CSNK1G3: variants seen among roughly 807,000 people sequenced by gnomAD.
CSNK1G3 encodes the protein casein kinase I isoform gamma-3.
In CSNK1G3, 23 loss-of-function variants were observed where a neutral mutation model predicts 64.3. The ratio of observed to expected loss-of-function variants is 0.36; its 90% CI spans 0.26 to 0.51. CSNK1G3 has a LOEUF of 0.51. Among genes scored for constraint, CSNK1G3 ranks in the 20% least tolerant of loss-of-function variants. CSNK1G3 has a pLI of 0.96. For synonymous variants in CSNK1G3, 158 were observed against 162.2 expected (o/e 0.97, Z 0.20); for missense variants, 357 against 510.5 (o/e 0.70, Z 2.90).
intron 3 of CSNK1G3, among the ~76,000 whole-genome samples, chr5:123,556,953 G>A (rs1233772840): frequency 6.6e-6 from 1 of 152,062 alleles, no homozygotes; most frequent in Non-Finnish European, 1.5e-5. Context: ...ATGTTCTATA[G>A]ATTGGTGTGG....
chr5:123,525,079 A>G (rs1167496306), intron 1 of CSNK1G3, among the ~76,000 whole-genome samples: 1 of 152,150 alleles, frequency 6.6e-6, no homozygotes, highest in Non-Finnish European at 1.5e-5. Flanking sequence ...ATTCTATTGT[A>G]GTTCGTATCA....
intron 4 of CSNK1G3, among the ~76,000 whole-genome samples, chr5:123,567,537 T>C (rs1787164371): frequency 6.6e-6 from 1 of 152,036 alleles, no homozygotes; most frequent in Admixed American, 6.6e-5. Flanking sequence ...AACCGTGAAG[T>C]GGAGGTTGTG....
At position 123,546,078 on chromosome 5, in the gene CSNK1G3, C is replaced by G. The variant is rs540419871; in HGVS notation, c.178+237C>G. On this transcript the variant is annotated intron_variant, in intron 2 of 12. Coordinates refer to ENST00000345990, the Ensembl canonical transcript of CSNK1G3. ...ATTGACTATCCAGATTATGAGAAAA[C>G]AAACAATTAAATTAAAATAGCCCAG... The G allele has an allele frequency of 7.0e-4, 284 of 406,832 alleles. 2 individuals are homozygous for G. The highest frequency in any genetic ancestry group is 5.4e-3 in the African/African-American group (272 of 50,486). 25.2% of individuals were successfully genotyped at this position (406,832 alleles called of 1,614,324 possible).
chr5:123,614,918 T>C (rs1236150600), exon 13 of CSNK1G3: 1 of 152,840 alleles, frequency 6.5e-6, no homozygotes, highest in Admixed American at 6.5e-5. Flanking sequence ...GTATTACTGA[T>C]GGTACTGTTA....
At chr5:123,526,451 A>G (rs909942419) in intron 1 of CSNK1G3, among the ~76,000 whole-genome samples, 1 of 151,662 alleles carries the variant, frequency 6.6e-6, no homozygotes, top group Non-Finnish European at 1.5e-5. Context: ...CTTTTTTTTT[A>G]GCATTTCAAT....
chr5:123,528,996 A>C (rs1278409592), intron 1 of CSNK1G3, among the ~76,000 whole-genome samples: 1 of 152,196 alleles, frequency 6.6e-6, no homozygotes, highest in Non-Finnish European at 1.5e-5. Flanking sequence ...TGCTTTTTGC[A>C]AGCTATTTAT....
At chr5:123,549,847 T>A (rs1783306268) in intron 2 of CSNK1G3, among the ~76,000 whole-genome samples, 1 of 152,246 alleles carries the variant, frequency 6.6e-6, no homozygotes, top group Non-Finnish European at 1.5e-5. Flanking sequence ...TATGTATTGT[T>A]TAATGAATAA....
At chr5:123,607,824 A>G (rs1481027428) in intron 12 of CSNK1G3, among the ~76,000 whole-genome samples, 1 of 152,224 alleles carries the variant, frequency 6.6e-6, no homozygotes, top group Non-Finnish European at 1.5e-5. Context: ...AGAAATCCTC[A>G]GAACTTTCCT....
chr5:123,572,962 G>C (rs959699596), intron 4 of CSNK1G3, among the ~76,000 whole-genome samples: 3 of 152,192 alleles, frequency 2.0e-5, no homozygotes, highest in Non-Finnish European at 4.4e-5. Flanking sequence ...TAAGCCAGAG[G>C]ATGGGAATCT....
Position 123,588,379 on chromosome 5 carries a change from A to G in CSNK1G3, c.760-48A>G, listed in dbSNP as rs542764296. On this transcript the variant is annotated intron_variant, in intron 7 of 12. Coordinates refer to ENST00000345990, the Ensembl canonical transcript of CSNK1G3. ...GGCTACCGTGTGCAGTCCCAGCTAA[A>G]TAATTTTTAAATTACCACATTCTCA... 36 of 1,451,650 alleles carry G rather than the reference A, an allele frequency of 2.5e-5. No homozygotes were observed. In the Admixed American group the frequency reaches 5.0e-4, roughly 20 times the overall value. The allele number at this position is 1,451,650 out of a possible 1,614,324, so 89.9% of individuals were successfully genotyped here.
intron 6 of CSNK1G3, among the ~76,000 whole-genome samples, chr5:123,582,894 G>A (rs746846506): frequency 1.3e-4 from 20 of 152,304 alleles, no homozygotes; most frequent in Non-Finnish European, 2.4e-4. Context: ...AGATATGTCA[G>A]TTGGTGAAAG....
At chr5:123,552,809 G>T (rs1783944475) in intron 2 of CSNK1G3, among the ~76,000 whole-genome samples, 1 of 152,070 alleles carries the variant, frequency 6.6e-6, no homozygotes, top group Non-Finnish European at 1.5e-5. Context: ...TTTGACTATT[G>T]ATTACTTTTA....
In CSNK1G3 at chr5:123,557,573, T is replaced by TTAA; in HGVS notation, c.289+11_289+12insATA. Reference sequence around the variant, plus strand: ...GCAGTTAGGATCTGGAGGTAAAGTCTTATATTAATTTTTAAATTTGAAATA... The same window carrying TTAA: ...GCAGTTAGGATCTGGAGGTAAAGTCTTAATATATTAATTTTTAAATTTGAAATA... On this transcript the variant is annotated intron_variant, in intron 4 of 12. Coordinates refer to ENST00000345990, the Ensembl canonical transcript of CSNK1G3. 6.6e-7 allele frequency: 1 copy of TTAA among 1,524,390 alleles called. No individual in the cohort carries two copies. The highest frequency in any genetic ancestry group is 1.4e-5 in the African/African-American group (1 of 71,656). The allele number at this position is 1,524,390 out of a possible 1,614,324, so 94.4% of individuals were successfully genotyped here.
chr5:123,553,528 G>A (rs1784078548), intron 3 of CSNK1G3, among the ~76,000 whole-genome samples: 1 of 152,160 alleles, frequency 6.6e-6, no homozygotes, highest in African/African-American at 2.4e-5. Flanking sequence ...TATATTCTTT[G>A]AAAACATACT....
At chr5:123,604,659 T>C (rs1176119203) in intron 10 of CSNK1G3, 65 bp from the exon 12 acceptor site, 1 of 749,684 alleles carries the variant, frequency 1.3e-6, no homozygotes, top group Non-Finnish European at 2.2e-6. Context: ...CTATTTAATA[T>C]GTATGTATAT....
At chr5:123,590,614 T>C (rs1262004274) in intron 9 of CSNK1G3, 56 bp downstream of exon 9, 2 of 1,036,178 alleles carry the variant, frequency 1.9e-6, no homozygotes, top group Non-Finnish European at 2.7e-6. Context: ...TTTTTAATAG[T>C]ACAATATCTT....
chr5:123,579,059 A>C (rs1156683634), intron 6 of CSNK1G3, among the ~76,000 whole-genome samples: 1 of 151,954 alleles, frequency 6.6e-6, no homozygotes, highest in Non-Finnish European at 1.5e-5. Context: ...ATACAATCAC[A>C]GATTTGGACA....
At chr5:123,536,062 G>A (rs1157107177) in intron 1 of CSNK1G3, among the ~76,000 whole-genome samples, 1 of 152,126 alleles carries the variant, frequency 6.6e-6, no homozygotes, top group Non-Finnish European at 1.5e-5. Flanking sequence ...TTTTATTGTG[G>A]AACAGTTTTG....
At chr5:123,525,689 T>C (rs1561454323) in intron 1 of CSNK1G3, among the ~76,000 whole-genome samples, 1 of 152,066 alleles carries the variant, frequency 6.6e-6, no homozygotes, top group Non-Finnish European at 1.5e-5. Context: ...ACTTAGCTGC[T>C]CAGGCTTAAA....
Sources: gnomAD v4.1 joint callset for allele counts (sites outside exome capture counted in the v4.1 genomes callset) on GRCh38, gnomAD v4.1.1 for gene constraint, MANE v1.5 for transcripts, NCBI Gene and HGNC (gene_info 2026-07-23, HGNC 2026-07-21) for gene names.